TMEM65: variants seen among roughly 807,000 people sequenced by gnomAD.
TMEM65 encodes transmembrane protein 65.
TMEM65 carries 22 observed loss-of-function variants against 25.4 expected under a neutral mutation model. That is an observed-to-expected ratio of 0.86 (90% confidence interval 0.62 to 1.23). The LOEUF (loss-of-function observed/expected upper bound fraction) is 1.23. TMEM65 is among the 50% of genes most tolerant of loss of function. TMEM65 has a pLI of 0.00. For synonymous variants in TMEM65, 132 were observed against 126.2 expected, an observed-to-expected ratio of 1.05 and a Z score of -0.31; for missense variants, 262 against 308.2, an observed-to-expected ratio of 0.85 and a Z score of 1.12.
chr8:124,333,627 T>C (rs1312483267), intron 1 of TMEM65, among the ~76,000 whole-genome samples: 1 of 152,132 alleles, frequency 6.6e-6, no homozygotes, highest in Non-Finnish European at 1.5e-5. Context: ...GAGTAACCTC[T>C]TATCAGAGGA....
At chr8:124,321,964 G>A (rs897559292) in intron 5 of TMEM65, 141 bp downstream of exon 5, 1 of 714,938 alleles carries the variant, frequency 1.4e-6, no homozygotes, top group Non-Finnish European at 2.3e-6. Context: ...TATTAGTTTA[G>A]AAAAAGTAAA....
chr8:124,349,608 A>C (rs1022333733), intron 1 of TMEM65, among the ~76,000 whole-genome samples: 3 of 152,228 alleles, frequency 2.0e-5, no homozygotes, highest in African/African-American at 7.2e-5. Context: ...ACTCTGATAT[A>C]TAATTAGTCA....
chr8:124,322,336 A>G (rs1041451437), intron 4 of TMEM65, among the ~76,000 whole-genome samples, 189 bp from the exon 5 acceptor site: 5 of 152,156 alleles, frequency 3.3e-5, no homozygotes, highest in Non-Finnish European at 5.9e-5. Flanking sequence ...AAATTATGCT[A>G]TTCTACCTCC....
chr8:124,336,153 A>G (rs1814504007), intron 1 of TMEM65, among the ~76,000 whole-genome samples: 1 of 152,094 alleles, frequency 6.6e-6, no homozygotes, highest in African/African-American at 2.4e-5. Context: ...AAAAGGGTCA[A>G]TGCATCAGGA....
At chr8:124,365,353 T>C (rs1483977019) in intron 1 of TMEM65, among the ~76,000 whole-genome samples, 4 of 152,346 alleles carry the variant, frequency 2.6e-5, no homozygotes, top group East Asian at 3.9e-4. Context: ...GTTTATTTAA[T>C]AGAGAGGTGA....
At chr8:124,345,726 G>A (rs974226251) in intron 1 of TMEM65, among the ~76,000 whole-genome samples, 6 of 131,886 alleles carry the variant, frequency 4.5e-5, no homozygotes, top group African/African-American at 1.0e-4. Context: ...TATAAAGAAA[G>A]GAGGTTTATT....
intron 1 of TMEM65, among the ~76,000 whole-genome samples, chr8:124,351,547 T>A (rs1269545837): frequency 6.6e-6 from 1 of 152,188 alleles, no homozygotes; most frequent in Non-Finnish European, 1.5e-5. Flanking sequence ...TCATATAACT[T>A]ACAAAATGCA....
intron 5 of TMEM65, among the ~76,000 whole-genome samples, chr8:124,320,449 C>T (rs1197827245): frequency 6.6e-6 from 1 of 152,012 alleles, no homozygotes; most frequent in Non-Finnish European, 1.5e-5. Context: ...ATTTTATTAA[C>T]ATATTTAACA....
chr8:124,332,403 T>C (rs899188921), intron 1 of TMEM65, among the ~76,000 whole-genome samples: 5 of 152,154 alleles, frequency 3.3e-5, no homozygotes, highest in Admixed American at 1.3e-4. Context: ...AATGAGAGTA[T>C]ATGGAGTCCT....
chr8:124,352,527 TAAAATAAAATA>T (rs1247664987), intron 1 of TMEM65, among the ~76,000 whole-genome samples: 5 of 132,670 alleles, frequency 3.8e-5, no homozygotes, highest in African/African-American at 1.7e-4. Context: ...TAAAATAAAA[TAAAATAAAATA>T]AAAATACAGG....
chr8:124,346,376 C>G (rs981759827), intron 1 of TMEM65, among the ~76,000 whole-genome samples: 1 of 152,002 alleles, frequency 6.6e-6, no homozygotes, highest in South Asian at 2.1e-4. Flanking sequence ...GTGTGTAAAT[C>G]CATACTTGAA....
intron 6 of TMEM65, among the ~76,000 whole-genome samples, chr8:124,319,097 A>G (rs143164516): frequency 1.3e-5 from 2 of 152,294 alleles, no homozygotes; most frequent in African/African-American, 4.8e-5. Context: ...TACTTGGCAT[A>G]TAATACGTAA....
At chr8:124,345,584 A>G (rs1217470631) in intron 1 of TMEM65, among the ~76,000 whole-genome samples, 3 of 152,192 alleles carry the variant, frequency 2.0e-5, no homozygotes, top group Non-Finnish European at 2.9e-5. Context: ...CTAATGGCAT[A>G]TAGAGTGAGC....
intron 1 of TMEM65, among the ~76,000 whole-genome samples, chr8:124,362,171 C>A (rs1814874993): frequency 6.6e-6 from 1 of 151,920 alleles, no homozygotes. Flanking sequence ...GGATTACAGG[C>A]ATGAGCCACT....
At chr8:124,324,838 G>A (rs1814348165) in intron 3 of TMEM65, among the ~76,000 whole-genome samples, 3 of 151,920 alleles carry the variant, frequency 2.0e-5, no homozygotes, top group Admixed American at 2.0e-4. Flanking sequence ...GTTAATAGGT[G>A]AGGTAGAAAT....
At chr8:124,365,816 T>G (rs578115665) in intron 1 of TMEM65, among the ~76,000 whole-genome samples, 4 of 152,340 alleles carry the variant, frequency 2.6e-5, no homozygotes, top group Admixed American at 2.6e-4. Flanking sequence ...AGAGCCTTGC[T>G]GACACTTTGA....
rs1011026897 is a variant in TMEM65, at chr8:124,372,669, G to A, written c.-512C>T. 1.2e-3 allele frequency: 190 copies of A among 164,324 alleles called. 1 individual carries two copies. Among genetic ancestry groups the A allele is most frequent in the Non-Finnish European group, 2.1e-3 (157 of 76,304 alleles). The allele number at this position is 164,324 out of a possible 1,614,324, so 10.2% of individuals were successfully genotyped here. A position where few individuals can be genotyped will look rare whatever the true frequency, so the allele number is the denominator to read the frequency against. Reference sequence around the variant, plus strand: ...GCCGCGCTCCCGAGCCGCAGCCGCCGCCGCCGCCGCTACCCCTAGCGGCAG... The same window carrying A: ...GCCGCGCTCCCGAGCCGCAGCCGCCACCGCCGCCGCTACCCCTAGCGGCAG... On this transcript the variant is annotated 5_prime_UTR_variant, in exon 1 of 7. Coordinates refer to ENST00000297632, the MANE Select transcript of TMEM65 (RefSeq NM_194291.3).
rs151307140 is a variant in TMEM65, at chr8:124,348,703, G to A, written c.305-17911C>T. Among the ~76,000 whole-genome samples the A allele has an allele frequency of 3.0e-3, 460 of 152,184 alleles. 1 individual carries two copies. In the Middle Eastern group the frequency reaches 0.031, roughly 10 times the overall value. On this transcript the variant is annotated intron_variant, in intron 1 of 6. Transcript: ENST00000297632. ...ATTCATTTTAAAATAAAATTGTTTC[G>A]TATCCAGGAAGCAGCAGAGGTTTTT...
At chr8:124,367,929 G>A (rs1445567984) in intron 1 of TMEM65, among the ~76,000 whole-genome samples, 1 of 152,156 alleles carries the variant, frequency 6.6e-6, no homozygotes, top group Non-Finnish European at 1.5e-5. Flanking sequence ...TCTTTTATTT[G>A]CTATATGTAA....
Sources: allele counts gnomAD v4.1 joint callset (sites outside exome capture counted in the v4.1 genomes callset), GRCh38; gene constraint gnomAD v4.1.1; transcripts MANE v1.5; gene names NCBI Gene and HGNC (gene_info 2026-07-23, HGNC 2026-07-21).